SGCZ: variants seen among roughly 807,000 people sequenced by gnomAD.
SGCZ encodes sarcoglycan zeta.
A neutral mutation model predicts 41.3 loss-of-function variants in SGCZ; 40 were observed. The ratio of observed to expected loss-of-function variants is 0.97; its 90% CI spans 0.75 to 1.26. The LOEUF (loss-of-function observed/expected upper bound fraction) is 1.26. Among genes scored for constraint, SGCZ ranks in the 50% most tolerant of loss-of-function variants. The probability of loss-of-function intolerance (pLI) is 0.00; values close to 1 mark genes in which losing one functional copy is unlikely to be tolerated. For missense variants in SGCZ, 552 were observed against 369.8 expected (o/e 1.49, Z -4.04); for synonymous variants, 206 against 137.5 (o/e 1.50, Z -3.49).
intron 4 of SGCZ, among the ~76,000 whole-genome samples, chr8:14,205,944 C>T (rs955310158): frequency 3.9e-5 from 6 of 151,900 alleles, no homozygotes; most frequent in Admixed American, 2.0e-4. Context: ...AGAAATAATT[C>T]GAGTTCATAT....
intron 1 of SGCZ, among the ~76,000 whole-genome samples, chr8:15,181,209 G>T (rs1377221649): frequency 6.6e-6 from 1 of 152,160 alleles, no homozygotes; most frequent in Non-Finnish European, 1.5e-5. Context: ...AACAAGTTAT[G>T]TAAGTGAAAA....
At chr8:14,249,037 G>A (rs913759024) in intron 3 of SGCZ, among the ~76,000 whole-genome samples, 1 of 152,168 alleles carries the variant, frequency 6.6e-6, no homozygotes, top group Non-Finnish European at 1.5e-5. Flanking sequence ...GACTGGAGAT[G>A]GGTGTCCAAA....
At chr8:14,829,488 T>C (rs17120351) in intron 1 of SGCZ, among the ~76,000 whole-genome samples, 3,818 of 152,260 alleles carry the variant, frequency 0.025, 165 homozygotes, top group African/African-American at 0.087. Flanking sequence ...GTAAGTAGAA[T>C]TGAACATCAA....
chr8:14,155,167 C>T (rs1221844901), intron 5 of SGCZ, among the ~76,000 whole-genome samples: 2 of 152,174 alleles, frequency 1.3e-5, no homozygotes, highest in Non-Finnish European at 2.9e-5. Flanking sequence ...GTCCAGTTTC[C>T]TTCAACAGTT....
At chr8:14,138,124 A>G (rs1803258040) in intron 5 of SGCZ, among the ~76,000 whole-genome samples, 1 of 152,192 alleles carries the variant, frequency 6.6e-6, no homozygotes, top group African/African-American at 2.4e-5. Context: ...ACAGACAAGC[A>G]AATGCTGACA....
intron 5 of SGCZ, among the ~76,000 whole-genome samples, chr8:14,111,060 T>TAAC (rs779450196): frequency 1.3e-3 from 117 of 92,170 alleles, no homozygotes; most frequent in African/African-American, 3.1e-3. Context: ...TTAAAAATAA[T>TAAC]AACAACAACA....
chr8:14,528,252 G>A (rs1433435690), intron 2 of SGCZ, among the ~76,000 whole-genome samples: 4 of 152,114 alleles, frequency 2.6e-5, no homozygotes, highest in Admixed American at 1.3e-4. Context: ...AAAGAAGGCA[G>A]TATCAATTTT....
chr8:14,917,133 T>C (rs1447495357), intron 1 of SGCZ, among the ~76,000 whole-genome samples: 1 of 152,110 alleles, frequency 6.6e-6, no homozygotes, highest in East Asian at 1.9e-4. Flanking sequence ...AAAATATACA[T>C]TGCCAGGTAA....
chr8:14,734,376 G>A (rs1027090300), intron 1 of SGCZ, among the ~76,000 whole-genome samples: 28 of 152,100 alleles, frequency 1.8e-4, no homozygotes, highest in African/African-American at 6.3e-4. Flanking sequence ...CAGAATATTT[G>A]AAACTCTAAA....
intron 2 of SGCZ, among the ~76,000 whole-genome samples, chr8:14,333,470 C>T (rs1242860802): frequency 6.6e-6 from 1 of 151,954 alleles, no homozygotes; most frequent in Non-Finnish European, 1.5e-5. Flanking sequence ...TATTAGCATG[C>T]TTGTCTTTCC....
At chr8:14,287,436 G>C (rs1800679343) in intron 3 of SGCZ, among the ~76,000 whole-genome samples, 1 of 143,714 alleles carries the variant, frequency 7.0e-6, no homozygotes, top group Non-Finnish European at 1.5e-5. Flanking sequence ...ACCGATTTCT[G>C]TCTGGTGGAA....
intron 1 of SGCZ, among the ~76,000 whole-genome samples, chr8:15,042,896 G>A (rs1371253211): frequency 6.6e-6 from 1 of 152,094 alleles, no homozygotes; most frequent in African/African-American, 2.4e-5. Flanking sequence ...GGCATATATT[G>A]TTTGTTTTAT....
intron 3 of SGCZ, among the ~76,000 whole-genome samples, chr8:14,268,357 G>GTA (rs61085889): frequency 0.23 from 33,962 of 148,980 alleles, 4,769 homozygotes; most frequent in South Asian, 0.45. Flanking sequence ...ATATATATGT[G>GTA]TATATATATA....
chr8:14,401,751 T>A (rs1164106542), intron 2 of SGCZ, among the ~76,000 whole-genome samples: 1 of 151,486 alleles, frequency 6.6e-6, no homozygotes, highest in Non-Finnish European at 1.5e-5. Context: ...TAAACATACG[T>A]GTGCATGTAT....
At chr8:15,124,304 G>T (rs1167044946) in intron 1 of SGCZ, among the ~76,000 whole-genome samples, 1 of 152,144 alleles carries the variant, frequency 6.6e-6, no homozygotes, top group African/African-American at 2.4e-5. Flanking sequence ...GAGAAAAAAA[G>T]AATGTGTTTA....
At chr8:14,858,666 C>A (rs1351019167) in intron 1 of SGCZ, among the ~76,000 whole-genome samples, 1 of 152,112 alleles carries the variant, frequency 6.6e-6, no homozygotes, top group Non-Finnish European at 1.5e-5. Context: ...ATTAAAACCA[C>A]TGGTTTGTCT....
chr8:14,713,995 G>C (rs866771066), intron 1 of SGCZ, among the ~76,000 whole-genome samples: 1 of 152,050 alleles, frequency 6.6e-6, no homozygotes, highest in Admixed American at 6.6e-5. Flanking sequence ...TTCAGATGGA[G>C]TCTCACTCTG....
chr8:14,604,529 A>T (rs545638271), intron 1 of SGCZ, among the ~76,000 whole-genome samples: 2 of 152,192 alleles, frequency 1.3e-5, no homozygotes, highest in African/African-American at 4.8e-5. Context: ...AATAAACTCT[A>T]ACAATGTACA....
At chr8:14,750,720 A>G (rs1001069443) in intron 1 of SGCZ, among the ~76,000 whole-genome samples, 1 of 152,212 alleles carries the variant, frequency 6.6e-6, no homozygotes, top group Non-Finnish European at 1.5e-5. Context: ...AGCACTGTGA[A>G]CGATGACATG....
Sources: allele counts gnomAD v4.1 joint callset (sites outside exome capture counted in the v4.1 genomes callset), GRCh38; gene constraint gnomAD v4.1.1; transcripts MANE v1.5; gene names NCBI Gene and HGNC (gene_info 2026-07-23, HGNC 2026-07-21).